PABPN1: variants seen among roughly 807,000 people sequenced by gnomAD.
PABPN1 encodes the protein polyadenylate-binding protein 2.
In PABPN1, 5 loss-of-function variants were observed where a neutral mutation model predicts 33.4. The ratio of observed to expected loss-of-function variants is 0.15; its 90% CI spans 0.08 to 0.32. The LOEUF (loss-of-function observed/expected upper bound fraction) is 0.32, where lower values mean the gene tolerates loss of function less well. Ranked by LOEUF, PABPN1 falls within the 10% of genes least tolerant of loss-of-function variation. The probability of loss-of-function intolerance (pLI) is 1.00; values close to 1 mark genes in which losing one functional copy is unlikely to be tolerated. For missense variants in PABPN1, 312 were observed against 425.8 expected (o/e 0.73, Z 2.35); for synonymous variants, 176 against 170.6 (o/e 1.03, Z -0.25).
At chr14:23,325,000 CT>C (rs893450138) in intron 6 of PABPN1, 9 of 478,276 alleles carry the variant, frequency 1.9e-5, no homozygotes, top group African/African-American at 7.9e-5. Flanking sequence ...TTCCTTGCCC[CT>C]GTCTCTCACT....
Position 23,321,594 on chromosome 14 carries a change from G to A in PABPN1, c.125G>A (p.Gly42Asp), listed in dbSNP as rs752206181. The A allele has an allele frequency of 8.7e-6, 13 of 1,487,966 alleles. No homozygotes were observed. The South Asian group carries it at 1.6e-4, about 19-fold the overall frequency. The allele number at this position is 1,487,966 out of a possible 1,614,324, so 92.2% of individuals were successfully genotyped here. A position where few individuals can be genotyped will look rare whatever the true frequency, so the allele number is the denominator to read the frequency against. Residue 42 changes from glycine to aspartate, a missense_variant, in exon 1 of 7, where the codon GGC (glycine) becomes GAC (aspartate). This residue lies in a region of PABPN1 where 167 missense variants were observed against 168.9 expected (regional missense o/e 0.99). Transcript: ENST00000216727. ...GAGGCCGGGGAGGGGGCCCCGGGGG[G>A]CGCAGGGGACTACGGGAACGGCCTG... is the stretch of plus-strand genomic sequence containing the variant. ...GGEAGEGAPGGAGDYGNGLES... is the reference protein window; with the variant it reads ...GGEAGEGAPGDAGDYGNGLES...
rs1157420791 is a variant in PABPN1, at chr14:23,325,243, C to T, written c.882-4C>T. 1.2e-6 allele frequency: 2 copies of T among 1,612,890 alleles called. No individual in the cohort carries two copies. The highest frequency in any genetic ancestry group is 1.7e-6 in the Non-Finnish European group (2 of 1,179,870). On this transcript the variant is annotated splice_region_variant and splice_polypyrimidine_tract_variant and intron_variant, in intron 6 of 6. Transcript: ENST00000216727. ...TAACACCTAACTCTCCTTCTTTCTT[C>T]CAGGGGCCGGGCTAGAGCGACATCA...
intron 2 of PABPN1, 52 bp from the exon 3 acceptor site, chr14:23,322,947 C>A: frequency 1.9e-6 from 3 of 1,612,078 alleles, no homozygotes; most frequent in South Asian, 2.2e-5. Flanking sequence ...ACATATTGGT[C>A]AAGTAGAAAA....
intron 2 of PABPN1, 68 bp from the exon 3 acceptor site, chr14:23,322,931 A>C (rs1888428760): frequency 1.9e-6 from 3 of 1,604,428 alleles, no homozygotes; most frequent in Middle Eastern, 1.7e-4. Context: ...TGGTGGTGGA[A>C]GTGCAACATA....
chr14:23,325,147 C>T, intron 6 of PABPN1, 100 bp from the exon 7 acceptor site: 5 of 1,531,118 alleles, frequency 3.3e-6, no homozygotes, highest in Non-Finnish European at 4.5e-6. Flanking sequence ...TCTTTTCCCC[C>T]CTTCCCTTCA....
At chr14:23,324,422 C>A in intron 6 of PABPN1, 133 bp downstream of exon 6, 1 of 1,237,456 alleles carries the variant, frequency 8.1e-7, no homozygotes, top group Non-Finnish European at 1.1e-6. Context: ...CCTGCCTGTG[C>A]AGGTTGAGGA....
chr14:23,322,028 C>G (rs1003005467), intron 1 of PABPN1, 153 bp from the exon 2 acceptor site: 3 of 889,968 alleles, frequency 3.4e-6, no homozygotes, highest in Admixed American at 2.2e-5. Flanking sequence ...TAGTGTTGTT[C>G]TAGAGAGGGT....
At chr14:23,323,617 T>G (rs1464658201) in intron 4 of PABPN1, 134 bp downstream of exon 4, 1 of 922,346 alleles carries the variant, frequency 1.1e-6, no homozygotes, top group South Asian at 1.4e-5. Context: ...GGCATTAATG[T>G]TGATATATCA....
rs1457043429 is a variant in PABPN1 at position 23,321,513 on chromosome 14, G to A, written c.44G>A (p.Gly15Asp). 5 of 1,236,682 alleles carry A rather than the reference G, an allele frequency of 4.0e-6. No homozygotes were observed. The highest frequency in any genetic ancestry group is 3.1e-4 in the Middle Eastern group (1 of 3,208). 76.6% of individuals were successfully genotyped at this position (1,236,682 alleles called of 1,614,324 possible). A position where few individuals can be genotyped will look rare whatever the true frequency, so the allele number is the denominator to read the frequency against. Reference protein sequence around the residue: ...AAAAAAAGAAGGRGSGPGRRR... With the variant: ...AAAAAAAGAADGRGSGPGRRR... ...GCGGCAGCAGCAGCGGGGGCTGCGG[G>A]CGGTCGGGGCTCCGGGCCGGGGCGG... The change falls in exon 1 of 7, where the codon GGC becomes GAC. Residue 15 changes from glycine to aspartate, a missense_variant. This residue lies in a region of PABPN1 where 167 missense variants were observed against 168.9 expected (regional missense o/e 0.99). Coordinates refer to ENST00000216727, the MANE Select transcript of PABPN1 (RefSeq NM_004643.4).
chr14:23,321,500 G>T lies in PABPN1; in HGVS notation c.31G>T (p.Ala11Ser), dbSNP rs1045060319. 5.7e-6 allele frequency: 7 copies of T among 1,221,666 alleles called. No homozygotes were observed. Among genetic ancestry groups the T allele is most frequent in the Non-Finnish European group, 5.1e-6 (5 of 980,480 alleles). The allele number at this position is 1,221,666 out of a possible 1,614,324, so 75.7% of individuals were successfully genotyped here. The change falls in exon 1 of 7, where the codon GCG (alanine) becomes TCG (serine). Residue 11 changes from alanine to serine, a missense_variant. Physicochemically the swap from Ala to Ser is moderately conservative, Grantham distance 99 (BLOSUM62 1). Transcript: ENST00000216727. MAAAAAAAAA[A>S]GAAGGRGSGP... ...GGCGGCGGCGGCGGCGGCAGCAGCA[G>T]CGGGGGCTGCGGGCGGTCGGGGCTC...
rs759305760 is a variant in PABPN1 at position 23,321,789 on chromosome 14, G to T, written c.320G>T (p.Gly107Val). The T allele has an allele frequency of 6.6e-7, 1 of 1,512,316 alleles. No homozygotes were observed. The highest frequency in any genetic ancestry group is 1.3e-5 in the South Asian group (1 of 79,048). The allele number at this position is 1,512,316 out of a possible 1,614,324, so 93.7% of individuals were successfully genotyped here. The change falls in exon 1 of 7, where the codon GGT becomes GTT. Residue 107 changes from glycine to valine, a missense_variant. By Grantham distance (109) the Gly-to-Val change is moderately radical. Transcript: ENST00000216727. ...EEEEEPGLVE[G>V]DPGDGAIEDP... ...GAGGAGGAGCCGGGACTGGTCGAGGGTGACCCGGGGGACGGCGCCATTGAG... is the reference window on the plus strand; with the variant it reads ...GAGGAGGAGCCGGGACTGGTCGAGGTTGACCCGGGGGACGGCGCCATTGAG...
chr14:23,323,580 C>A, intron 4 of PABPN1, 97 bp downstream of exon 4: 1 of 1,150,916 alleles, frequency 8.7e-7, no homozygotes, highest in Non-Finnish European at 1.3e-6. Flanking sequence ...GGTGTTAACA[C>A]AGGTGATCTG....
Position 23,325,620 on chromosome 14 carries a change from G to A in PABPN1, c.*334G>A, listed in dbSNP as rs1030105971. ...GGGGGCTGCTCAAGGGTAGGTGGGC[G>A]TGGGTGGTAGGAGGTTTTTTTTTTT... On this transcript the variant is annotated 3_prime_UTR_variant, in exon 7 of 7. Transcript: ENST00000216727. 19 of 254,614 alleles carry A rather than the reference G, an allele frequency of 7.5e-5. No homozygotes were observed. Among genetic ancestry groups the A allele is most frequent in the South Asian group, 6.4e-4 (12 of 18,650 alleles). 15.8% of individuals were successfully genotyped at this position (254,614 alleles called of 1,614,324 possible). A position where few individuals can be genotyped will look rare whatever the true frequency, so the allele number is the denominator to read the frequency against.
At chr14:23,322,676 A>C (rs2138472349) in intron 2 of PABPN1, 2 of 469,040 alleles carry the variant, frequency 4.3e-6, no homozygotes, top group South Asian at 4.6e-5. Flanking sequence ...TAATCTAGAA[A>C]TGTGGAGTCT....
In PABPN1 at chr14:23,323,424, C is replaced by T. The variant is rs150035782; in HGVS notation, c.582C>T (p.Gly194=). 1 of 1,613,958 alleles carries T rather than the reference C, an allele frequency of 6.2e-7. No homozygotes were observed. The highest frequency in any genetic ancestry group is 1.1e-5 in the South Asian group (1 of 91,082). The change falls in exon 4 of 7, where the codon GGC becomes GGT. Residue 194 remains glycine, a synonymous_variant. Coordinates refer to ENST00000216727, the MANE Select transcript of PABPN1 (RefSeq NM_004643.4). ...AAGAGCTGGAAGCTCACTTTCATGG[C>T]TGTGGTTCAGTCAACCGTGTTACCA... The part of the protein sequence containing the change: ...TAEELEAHFH[G]CGSVNRVTIL...
intron 6 of PABPN1, chr14:23,325,031 C>T (rs1888635046): frequency 5.0e-6 from 2 of 400,366 alleles, no homozygotes; most frequent in South Asian, 3.7e-5. Context: ...TTCTTTTTCG[C>T]CACTGTTTGG....
chr14:23,323,539 A>C lies in PABPN1; in HGVS notation c.641+56A>C, dbSNP rs919552798. 37 of 1,480,980 alleles carry C rather than the reference A, an allele frequency of 2.5e-5. No homozygotes were observed. The Admixed American group carries it at 5.9e-4, about 24-fold the overall frequency. 91.7% of individuals were successfully genotyped at this position (1,480,980 alleles called of 1,614,324 possible). A position where few individuals can be genotyped will look rare whatever the true frequency, so the allele number is the denominator to read the frequency against. On this transcript the variant is annotated intron_variant, in intron 4 of 6. Transcript: ENST00000216727. ...TAAATTACAGTGTACAAATAGATAA[A>C]TTATGTTTTATATTGAGCAGTAAGT...
chr14:23,325,164 CTG>C (rs1455071075), intron 6 of PABPN1, 81 bp from the exon 7 acceptor site: 6 of 1,578,948 alleles, frequency 3.8e-6, no homozygotes, highest in South Asian at 1.1e-5. Flanking sequence ...TTCACAGTAA[CTG>C]GGGCAGGGGC....
chr14:23,322,865 A>G (rs1208064070), intron 2 of PABPN1, 134 bp from the exon 3 acceptor site: 2 of 1,094,990 alleles, frequency 1.8e-6, no homozygotes, highest in Non-Finnish European at 2.8e-6. Flanking sequence ...TTGTGGGTAC[A>G]GCAGGGAACA....
Sources: allele counts gnomAD v4.1 joint callset, GRCh38; gene constraint gnomAD v4.1.1; regional missense constraint gnomAD v4.1.1; transcripts MANE v1.5; gene names NCBI Gene and HGNC (gene_info 2026-07-23, HGNC 2026-07-21).